Variants in ZMIZ1 observed in about 807,000 individuals in gnomAD.
ZMIZ1 encodes zinc finger MIZ-type containing 1, also known as zinc finger MIZ domain-containing protein 1.
ZMIZ1 carries 17 observed loss-of-function variants against 113.9 expected under a neutral mutation model. The observed-to-expected ratio is 0.15, with a 90% confidence interval of 0.10 to 0.22. ZMIZ1 has a LOEUF of 0.22. Among genes scored for constraint, ZMIZ1 ranks in the 10% least tolerant of loss-of-function variants. The pLI, the probability that ZMIZ1 is intolerant of heterozygous loss-of-function variation, is 1.00. For synonymous variants in ZMIZ1, 607 were observed against 603.1 expected (o/e 1.01, Z -0.09); for missense variants, 1,059 against 1,477.8 (o/e 0.72, Z 4.65).
intron 15 of ZMIZ1, 74 bp downstream of exon 15, chr10:79,298,654 T>A: frequency 1.4e-6 from 2 of 1,382,318 alleles, no homozygotes; most frequent in Non-Finnish European, 2.0e-6. Flanking sequence ...GGCTTCGCAG[T>A]CAGGCTGCCT....
intron 3 of ZMIZ1, among the ~76,000 whole-genome samples, chr10:79,141,832 T>G (rs1318559803): frequency 1.3e-5 from 2 of 152,048 alleles, no homozygotes; most frequent in Admixed American, 1.3e-4. Context: ...GATGTCAGGA[T>G]AGGGGGCGAA....
At chr10:79,189,689 T>G (rs1847515995) in intron 4 of ZMIZ1, among the ~76,000 whole-genome samples, 1 of 152,214 alleles carries the variant, frequency 6.6e-6, no homozygotes, top group African/African-American at 2.4e-5. Flanking sequence ...CTCGTGAGGT[T>G]ATAACACCAA....
chr10:79,311,290 TGGG>T, intron 24 of ZMIZ1, 106 bp downstream of exon 24: 1 of 102,696 alleles, frequency 9.7e-6, no homozygotes, highest in East Asian at 1.6e-4. Context: ...AGGGAGGAGG[TGGG>T]TGGGCGGTGG....
At chr10:79,110,953 C>G (rs1463955536) in intron 1 of ZMIZ1, among the ~76,000 whole-genome samples, 2 of 152,230 alleles carry the variant, frequency 1.3e-5, no homozygotes, top group Non-Finnish European at 2.9e-5. Context: ...CTGTCATGCA[C>G]TCACCTGTGC....
At chr10:79,090,158 G>C (rs1249999) in intron 1 of ZMIZ1, among the ~76,000 whole-genome samples, 39,456 of 152,134 alleles carry the variant, frequency 0.26, 6,304 homozygotes, top group African/African-American at 0.45. Flanking sequence ...CTGTCATTGA[G>C]TTTAGCTGCC....
chr10:79,311,214 T>A, intron 24 of ZMIZ1, 30 bp downstream of exon 24: 1 of 1,331,716 alleles, frequency 7.5e-7, no homozygotes, highest in South Asian at 1.2e-5. Flanking sequence ...CGCCTTGGCC[T>A]GGGGCTAGGC....
At chr10:79,146,765 G>T (rs1228971032) in intron 3 of ZMIZ1, among the ~76,000 whole-genome samples, 1 of 152,180 alleles carries the variant, frequency 6.6e-6, no homozygotes, top group Non-Finnish European at 1.5e-5. Flanking sequence ...CTTCCGCCCC[G>T]ACTCTGCTGG....
chr10:79,278,146 G>C (rs1319572366), intron 8 of ZMIZ1, among the ~76,000 whole-genome samples: 1 of 152,206 alleles, frequency 6.6e-6, no homozygotes, highest in African/African-American at 2.4e-5. Context: ...TTTATAAATC[G>C]AATTAGAGGC....
chr10:79,202,211 A>AAG (rs1554869283), intron 5 of ZMIZ1, among the ~76,000 whole-genome samples: 7 of 64,288 alleles, frequency 1.1e-4, no homozygotes, highest in African/African-American at 3.0e-4. Flanking sequence ...AAAAAAAAAA[A>AAG]AAAGAAAGAA....
At chr10:79,167,537 C>T (rs917163862) in intron 4 of ZMIZ1, among the ~76,000 whole-genome samples, 1 of 152,124 alleles carries the variant, frequency 6.6e-6, no homozygotes, top group Non-Finnish European at 1.5e-5. Flanking sequence ...AAAGATATAT[C>T]GAGGCAGGCA....
At chr10:79,108,786 G>A (rs571431039) in intron 1 of ZMIZ1, among the ~76,000 whole-genome samples, 1 of 152,100 alleles carries the variant, frequency 6.6e-6, no homozygotes, top group Non-Finnish European at 1.5e-5. Flanking sequence ...TGTTTTGGAC[G>A]GGCCTAACTA....
chr10:79,237,591 T>C (rs1339885489), intron 7 of ZMIZ1, among the ~76,000 whole-genome samples: 1 of 152,190 alleles, frequency 6.6e-6, no homozygotes, highest in Non-Finnish European at 1.5e-5. Context: ...AGTCTTCACG[T>C]GGCATTGTCC....
intron 3 of ZMIZ1, among the ~76,000 whole-genome samples, chr10:79,151,837 G>C (rs1417537559): frequency 2.6e-5 from 4 of 152,318 alleles, no homozygotes; most frequent in African/African-American, 4.8e-5. Flanking sequence ...GAGCCAGGGT[G>C]GGGGCATTGG....
At chr10:79,195,032 T>A (rs1613295) in intron 4 of ZMIZ1, among the ~76,000 whole-genome samples, 24 of 152,100 alleles carry the variant, frequency 1.6e-4, no homozygotes, top group Admixed American at 1.3e-3. Context: ...GGGCAGCGTC[T>A]TGGCCTTGGG....
At chr10:79,250,580 C>T (rs924942032) in intron 7 of ZMIZ1, among the ~76,000 whole-genome samples, 2 of 152,256 alleles carry the variant, frequency 1.3e-5, no homozygotes, top group Non-Finnish European at 2.9e-5. Context: ...TGAGAGTCTG[C>T]ACCCTGGACT....
At chr10:79,223,456 G>A (rs139518579) in intron 7 of ZMIZ1, among the ~76,000 whole-genome samples, 1 of 152,226 alleles carries the variant, frequency 6.6e-6, no homozygotes, top group Non-Finnish European at 1.5e-5. Context: ...GAGGGGTTTG[G>A]CTTCCTTCCT....
chr10:79,282,050 G>A lies in ZMIZ1; in HGVS notation c.425+4725G>A, dbSNP rs117550375. Among the ~76,000 whole-genome samples, 24 of 152,296 alleles carry A rather than the reference G, an allele frequency of 1.6e-4. No homozygotes were observed. The East Asian group carries it at 4.6e-3, about 29-fold the overall frequency. On this transcript the variant is annotated intron_variant, in intron 8 of 24. Coordinates refer to ENST00000334512, the MANE Select transcript of ZMIZ1 (RefSeq NM_020338.4). ...CAGGCTATTCTGAGGACACGTTGTG[G>A]TTAGGCAATTGAAAGTTACACAGTC...
intron 7 of ZMIZ1, among the ~76,000 whole-genome samples, chr10:79,253,222 A>G (rs1564553794): frequency 6.6e-6 from 1 of 152,236 alleles, no homozygotes; most frequent in Non-Finnish European, 1.5e-5. Flanking sequence ...ATCTTTGTGC[A>G]TATATCAGAT....
At chr10:79,214,054 GGAGGGCACCA>G (rs1718543749) in intron 6 of ZMIZ1, among the ~76,000 whole-genome samples, 1 of 152,178 alleles carries the variant, frequency 6.6e-6, no homozygotes, top group African/African-American at 2.4e-5. Flanking sequence ...CTACAAAGAG[GGAGGGCACCA>G]GAGTCCACGT....
Sources: gnomAD v4.1 joint callset for allele counts (sites outside exome capture counted in the v4.1 genomes callset) on GRCh38, gnomAD v4.1.1 for gene constraint, MANE v1.5 for transcripts, NCBI Gene and HGNC (gene_info 2026-07-23, HGNC 2026-07-21) for gene names.